Variants in DTNA observed in about 807,000 individuals in gnomAD.
DTNA encodes the protein dystrobrevin alpha.
A neutral mutation model predicts 100.7 loss-of-function variants in DTNA; 43 were observed. The ratio of observed to expected loss-of-function variants is 0.43; its 90% confidence interval spans 0.33 to 0.55. The LOEUF (loss-of-function observed/expected upper bound fraction) is 0.55. Ranked by LOEUF, DTNA falls within the 20% of genes least tolerant of loss-of-function variation. The pLI is 0.04. For synonymous variants in DTNA, 349 were observed against 347.9 expected (o/e 1.00, Z -0.04); for missense variants, 798 against 953.9 (o/e 0.84, Z 2.15).
intron 1 of DTNA, among the ~76,000 whole-genome samples, chr18:34,727,982 T>C (rs977262635): frequency 6.6e-6 from 1 of 152,160 alleles, no homozygotes; most frequent in Non-Finnish European, 1.5e-5. Flanking sequence ...ATGATAGAAA[T>C]AAAGCAAGGT....
chr18:34,647,403 G>A (rs1476564311), intron 1 of DTNA, among the ~76,000 whole-genome samples: 1 of 152,096 alleles, frequency 6.6e-6, no homozygotes, highest in Non-Finnish European at 1.5e-5. Flanking sequence ...CCAGTAGGGG[G>A]AAAAATGGCA....
At chr18:34,753,366 A>ATTTATTTTTTTTTTTTT (rs2092499145) in intron 1 of DTNA, among the ~76,000 whole-genome samples, 1 of 133,150 alleles carries the variant, frequency 7.5e-6, no homozygotes, top group Non-Finnish European at 1.5e-5. Context: ...TATTTATTTT[A>ATTTATTTTTTTTTTTTT]TTTTTTTTTT....
intron 1 of DTNA, among the ~76,000 whole-genome samples, chr18:34,568,484 C>A (rs2047281100): frequency 6.6e-6 from 1 of 152,152 alleles, no homozygotes; most frequent in East Asian, 1.9e-4. Flanking sequence ...ATTTTATCTC[C>A]ATATTTTCTA....
At chr18:34,678,032 C>T (rs2077600879) in intron 1 of DTNA, among the ~76,000 whole-genome samples, 1 of 152,150 alleles carries the variant, frequency 6.6e-6, no homozygotes, top group South Asian at 2.1e-4. Context: ...ACACATCCTT[C>T]TTCATGTAGC....
At chr18:34,807,470 C>T (rs1381975665) in intron 5 of DTNA, among the ~76,000 whole-genome samples, 1 of 152,184 alleles carries the variant, frequency 6.6e-6, no homozygotes, top group Admixed American at 6.5e-5. Flanking sequence ...GGCTCACCTG[C>T]TGCCTGTCCT....
At chr18:34,568,633 A>C (rs1161193945) in intron 1 of DTNA, among the ~76,000 whole-genome samples, 1 of 151,816 alleles carries the variant, frequency 6.6e-6, no homozygotes, top group Non-Finnish European at 1.5e-5. Context: ...TCATTTATTT[A>C]ATTTTTTTGA....
intron 1 of DTNA, among the ~76,000 whole-genome samples, chr18:34,503,730 A>G (rs907641200): frequency 7.3e-6 from 1 of 137,876 alleles, no homozygotes; most frequent in Non-Finnish European, 1.6e-5. Flanking sequence ...TTTGGATTTC[A>G]CTGTTTTTTT....
Position 34,827,632 on chromosome 18 carries a change from C to G in DTNA, c.1041C>G (p.Phe347Leu), listed in dbSNP as rs1602806087. 4 of 1,613,826 alleles carry G rather than the reference C, an allele frequency of 2.5e-6. No homozygotes were observed. The African/African-American group carries it at 5.3e-5, about 22-fold the overall frequency. ...RPVTSMNDTL[F>L]SHSVPSSGSP... ...TAACCAGCATGAACGACACCCTGTT[C>G]TCCCACTCTGTTCCCTCCTCAGGAA... The change falls in exon 10 of 23, where the codon TTC (phenylalanine) becomes TTG (leucine). Residue 347 changes from phenylalanine (F) to leucine (L), a missense_variant. Phe to Leu is a conservative substitution (Grantham distance 22). Transcript: ENST00000444659.
At chr18:34,664,337 T>G (rs1009498761) in intron 1 of DTNA, among the ~76,000 whole-genome samples, 1 of 152,280 alleles carries the variant, frequency 6.6e-6, no homozygotes, top group Non-Finnish European at 1.5e-5. Flanking sequence ...ATTATTTTAT[T>G]TATGTCACAT....
intron 13 of DTNA, among the ~76,000 whole-genome samples, chr18:34,845,013 T>C (rs1396311721): frequency 2.0e-5 from 3 of 152,196 alleles, no homozygotes; most frequent in Non-Finnish European, 4.4e-5. Flanking sequence ...TAATTCATCA[T>C]AGTCTTGTAG....
At chr18:34,833,868 G>A (rs998629677) in intron 11 of DTNA, among the ~76,000 whole-genome samples, 5 of 152,138 alleles carry the variant, frequency 3.3e-5, no homozygotes, top group Admixed American at 6.5e-5. Context: ...TTGAAGACAA[G>A]GCATGTAGAA....
intron 1 of DTNA, among the ~76,000 whole-genome samples, chr18:34,674,752 C>G (rs2077191765): frequency 2.0e-5 from 3 of 152,156 alleles, no homozygotes; most frequent in African/African-American, 7.2e-5. Context: ...GATTGCTATT[C>G]ATCATTAAAG....
chr18:34,585,252 A>G (rs762896702), intron 1 of DTNA, among the ~76,000 whole-genome samples: 27 of 152,158 alleles, frequency 1.8e-4, no homozygotes, highest in Non-Finnish European at 2.5e-4. Context: ...TGAGGGTACT[A>G]AAAAACAACA....
At chr18:34,716,369 C>A (rs2084075969) in intron 1 of DTNA, among the ~76,000 whole-genome samples, 1 of 152,128 alleles carries the variant, frequency 6.6e-6, no homozygotes, top group Non-Finnish European at 1.5e-5. Flanking sequence ...GGAGACCAGC[C>A]TGGCCAACGT....
chr18:34,774,699 A>G (rs1411464012), intron 3 of DTNA, among the ~76,000 whole-genome samples: 1 of 152,238 alleles, frequency 6.6e-6, no homozygotes, highest in Non-Finnish European at 1.5e-5. Flanking sequence ...CTTCAGCAAT[A>G]AAAATTTCAT....
At chr18:34,693,486 A>G (rs1209722798) in intron 1 of DTNA, among the ~76,000 whole-genome samples, 1 of 152,144 alleles carries the variant, frequency 6.6e-6, no homozygotes, top group Non-Finnish European at 1.5e-5. Context: ...GCTCTTCTCT[A>G]CTATACAATA....
chr18:34,875,906 G>T (rs1251029933), intron 18 of DTNA, among the ~76,000 whole-genome samples: 1 of 152,210 alleles, frequency 6.6e-6, no homozygotes, highest in African/African-American at 2.4e-5. Flanking sequence ...TCTGCAGTTA[G>T]AGGAGTACAA....
intron 22 of DTNA, 123 bp from the exon 23 acceptor site, chr18:34,887,641 ATG>A (rs139309148): frequency 6.9e-3 from 3,777 of 550,464 alleles, no homozygotes; most frequent in Non-Finnish European, 8.0e-3. Context: ...GTGTGTGTGC[ATG>A]TGTGTGTGTG....
At chr18:34,799,738 A>C (rs1467894033) in intron 4 of DTNA, among the ~76,000 whole-genome samples, 1 of 152,244 alleles carries the variant, frequency 6.6e-6, no homozygotes, top group Non-Finnish European at 1.5e-5. Context: ...GAATTTTCAC[A>C]GCTGTAGATA....
Sources: gnomAD v4.1 joint callset for allele counts (sites outside exome capture counted in the v4.1 genomes callset) on GRCh38, gnomAD v4.1.1 for gene constraint, MANE v1.5 for transcripts, NCBI Gene and HGNC (gene_info 2026-07-23, HGNC 2026-07-21) for gene names.